CHODL: variants seen among roughly 807,000 people sequenced by gnomAD.
CHODL encodes the protein chondrolectin.
CHODL carries 29 observed loss-of-function variants against 34.5 expected under a neutral mutation model. That is an observed-to-expected ratio of 0.84 (90% CI 0.63 to 1.15). The LOEUF (loss-of-function observed/expected upper bound fraction) is 1.15. CHODL is among the 50% of genes most tolerant of loss of function. The pLI is 0.00. For missense variants in CHODL, 332 were observed against 332.5 expected, an observed-to-expected ratio of 1.00 and a Z score of 0.01; for synonymous variants, 125 against 116.1, an observed-to-expected ratio of 1.08 and a Z score of -0.49.
At chr21:18,181,679 C>T (rs952366644) in intron 2 of CHODL, among the ~76,000 whole-genome samples, 1 of 152,162 alleles carries the variant, frequency 6.6e-6, no homozygotes, top group East Asian at 1.9e-4. Flanking sequence ...CGTGAGCCAC[C>T]GCGCCCAGCC....
At chr21:18,081,595 C>T (rs769397373) in intron 2 of CHODL, among the ~76,000 whole-genome samples, 7 of 151,630 alleles carry the variant, frequency 4.6e-5, no homozygotes, top group South Asian at 2.1e-4. Flanking sequence ...GCAAGAGAAT[C>T]GCTTGAACCC....
intron 1 of CHODL, among the ~76,000 whole-genome samples, chr21:17,964,221 G>A (rs1256451039): frequency 6.6e-6 from 1 of 152,120 alleles, no homozygotes; most frequent in Non-Finnish European, 1.5e-5. Context: ...CGATACATGT[G>A]TTTCATATTT....
At chr21:18,128,516 T>C (rs984705846) in intron 2 of CHODL, among the ~76,000 whole-genome samples, 4 of 151,938 alleles carry the variant, frequency 2.6e-5, no homozygotes, top group African/African-American at 9.7e-5. Flanking sequence ...CAGTCTATGG[T>C]ATATTTGTTA....
intron 2 of CHODL, among the ~76,000 whole-genome samples, chr21:18,106,500 TC>T (rs200861208): frequency 0.047 from 5,596 of 119,374 alleles, 395 homozygotes; most frequent in African/African-American, 0.16. Context: ...TTTTTCTTTT[TC>T]TTTTTTTTTT....
intron 2 of CHODL, among the ~76,000 whole-genome samples, chr21:18,157,518 G>A (rs57250093): frequency 0.029 from 4,383 of 152,228 alleles, 209 homozygotes; most frequent in African/African-American, 0.1. Flanking sequence ...CTCCATGAAG[G>A]CTTTATTTCT....
At chr21:18,100,110 A>G (rs543930636) in intron 2 of CHODL, 1 of 152,192 alleles carries the variant, frequency 6.6e-6, no homozygotes, top group African/African-American at 2.4e-5. Context: ...AAGTTACATA[A>G]GAGAAGAAAA....
chr21:18,004,273 G>A (rs898049908), intron 1 of CHODL, among the ~76,000 whole-genome samples: 5 of 152,116 alleles, frequency 3.3e-5, no homozygotes, highest in Non-Finnish European at 5.9e-5. Flanking sequence ...ACTCTGTTGC[G>A]ATCAAGAATA....
chr21:18,148,527 C>G (rs1306860263), intron 2 of CHODL, among the ~76,000 whole-genome samples: 2 of 152,068 alleles, frequency 1.3e-5, no homozygotes, highest in African/African-American at 4.8e-5. Flanking sequence ...TATGCACACA[C>G]ACACAATATT....
At chr21:18,244,176 A>G (rs117099688), upstream of CHODL, among the ~76,000 whole-genome samples, 2,473 of 152,348 alleles carry the variant, frequency 0.016, 36 homozygotes, top group Non-Finnish European at 0.027. Context: ...AGAAATACAT[A>G]CATTTCATTT....
chr21:18,253,635 G>T (rs1220916794), intron 1 of CHODL, among the ~76,000 whole-genome samples: 3 of 152,060 alleles, frequency 2.0e-5, no homozygotes, highest in South Asian at 4.1e-4. Flanking sequence ...TATATTAGGA[G>T]AAATTTTAAA....
At chr21:18,152,359 A>G (rs2072980468) in intron 2 of CHODL, among the ~76,000 whole-genome samples, 1 of 152,222 alleles carries the variant, frequency 6.6e-6, no homozygotes, top group Non-Finnish European at 1.5e-5. Context: ...AAACACATCT[A>G]TTCATTTCCA....
intron 2 of CHODL, among the ~76,000 whole-genome samples, chr21:18,105,793 T>C (rs1205625424): frequency 6.6e-6 from 1 of 152,226 alleles, no homozygotes; most frequent in Non-Finnish European, 1.5e-5. Context: ...ATATGTAACC[T>C]GCTCACCCAT....
At chr21:17,986,815 CT>C (rs1163886317) in intron 1 of CHODL, among the ~76,000 whole-genome samples, 3 of 152,052 alleles carry the variant, frequency 2.0e-5, no homozygotes, top group Admixed American at 2.0e-4. Context: ...CCCAGCAGTA[CT>C]TTAATTAATC....
At chr21:18,149,420 C>T (rs1268757756) in intron 2 of CHODL, among the ~76,000 whole-genome samples, 1 of 152,148 alleles carries the variant, frequency 6.6e-6, no homozygotes, top group Non-Finnish European at 1.5e-5. Context: ...GTCCTCATAA[C>T]CGTATCTATC....
At chr21:18,237,624 G>A (rs1392659279) in intron 2 of CHODL, among the ~76,000 whole-genome samples, 1 of 152,114 alleles carries the variant, frequency 6.6e-6, no homozygotes, top group Non-Finnish European at 1.5e-5. Context: ...TCACTCTAGA[G>A]AGTAGACAGG....
At chr21:17,969,892 TACTG>T (rs1027467903) in intron 1 of CHODL, among the ~76,000 whole-genome samples, 3 of 152,182 alleles carry the variant, frequency 2.0e-5, no homozygotes, top group African/African-American at 7.2e-5. Flanking sequence ...ATAATAATCT[TACTG>T]AATGGGGGAA....
At chr21:17,978,385 G>A (rs912258780) in intron 1 of CHODL, among the ~76,000 whole-genome samples, 2 of 142,862 alleles carry the variant, frequency 1.4e-5, no homozygotes, top group African/African-American at 5.3e-5. Flanking sequence ...TGGCGCCACT[G>A]CACTCCAGCC....
chr21:18,109,341 T>C lies in CHODL; in HGVS notation c.-45+81370T>C, dbSNP rs1391818712. Among the ~76,000 whole-genome samples the C allele has an allele frequency of 5.3e-5, 8 of 152,200 alleles. No individual in the cohort carries two copies. In the East Asian group the frequency reaches 1.6e-3, roughly 29 times the overall value. On this transcript the variant is annotated intron_variant, in intron 2 of 6. Transcript: ENST00000400127. ...TTCTCCCAGTGAGAATGAGAATATA[T>C]GATGTAGGTTTGGACTATGGGATCT... is the stretch of plus-strand genomic sequence containing the variant.
At chr21:18,134,543 G>C (rs551148652) in intron 2 of CHODL, among the ~76,000 whole-genome samples, 2 of 152,298 alleles carry the variant, frequency 1.3e-5, no homozygotes, top group South Asian at 4.1e-4. Context: ...CAGAATGTTA[G>C]TACGTGGGCT....
Sources: gnomAD v4.1 joint callset for allele counts (sites outside exome capture counted in the v4.1 genomes callset) on GRCh38, gnomAD v4.1.1 for gene constraint, MANE v1.5 for transcripts, NCBI Gene and HGNC (gene_info 2026-07-23, HGNC 2026-07-21) for gene names.